The following TNXB variants were observed in gnomAD, a reference collection of about 807,000 sequenced individuals.
TNXB encodes tenascin-X.
A neutral mutation model predicts 340.5 loss-of-function variants in TNXB; 183 were observed. The ratio of observed to expected loss-of-function variants is 0.54; its 90% CI spans 0.48 to 0.61. The LOEUF (loss-of-function observed/expected upper bound fraction) is 0.61, where lower values mean the gene tolerates loss of function less well. Among genes scored for constraint, TNXB ranks in the 20% least tolerant of loss-of-function variants. The probability of loss-of-function intolerance (pLI) is 0.00; values close to 1 mark genes in which losing one functional copy is unlikely to be tolerated. For missense variants in TNXB, 4,613 were observed against 5,446.4 expected (o/e 0.85, Z 4.82); for synonymous variants, 2,121 against 2,314.5 (o/e 0.92, Z 2.40).
intron 11 of TNXB, among the ~76,000 whole-genome samples, chr6:32,076,175 G>A (rs866384463): frequency 1.1e-4 from 16 of 152,262 alleles, no homozygotes; most frequent in Middle Eastern, 3.4e-3. Context: ...CTTTCCATGA[G>A]GGAATGAAAA....
chr6:32,046,149 G>T lies in TNXB; in HGVS notation c.10606+26C>A, dbSNP rs1161786824. 1 of 1,571,036 alleles carries T rather than the reference G, an allele frequency of 6.4e-7. No homozygotes were observed. On this transcript the variant is annotated intron_variant, in intron 31 of 43. Transcript: ENST00000644971. The surrounding 1 kb of genome is among the most constrained non-coding windows in gnomAD (Gnocchi z 6.9). ...CAAGGAAACCCACACAAGCTGGCTTGCTATAGCCAGGCACAGCAGCCTCAC... is the reference window on the plus strand; with the variant it reads ...CAAGGAAACCCACACAAGCTGGCTTTCTATAGCCAGGCACAGCAGCCTCAC...
intron 24 of TNXB, among the ~76,000 whole-genome samples, chr6:32,055,403 T>C (rs891119524): frequency 3.9e-5 from 6 of 152,144 alleles, no homozygotes; most frequent in Non-Finnish European, 5.9e-5. Context: ...ATGAACAAAT[T>C]GGCCCATTGG....
At chr6:32,102,015 C>A (rs1321055174) in intron 1 of TNXB, among the ~76,000 whole-genome samples, 1 of 152,212 alleles carries the variant, frequency 6.6e-6, no homozygotes, top group Non-Finnish European at 1.5e-5. Context: ...TGAGCCACTG[C>A]ACCCAGATCC....
rs752340422 is a variant in TNXB at position 32,069,506 on chromosome 6, A to G, written c.5587+47T>C. 2 of 1,510,988 alleles carry G rather than the reference A, an allele frequency of 1.3e-6. No homozygotes were observed. The highest frequency in any genetic ancestry group is 1.8e-6 in the Non-Finnish European group (2 of 1,128,082). 93.6% of individuals were successfully genotyped at this position (1,510,988 alleles called of 1,614,324 possible). A position where few individuals can be genotyped will look rare whatever the true frequency, so the allele number is the denominator to read the frequency against. ...TCTTATGGCTCAGTCAGACCAGGAGAGCCAGGCGGGAAGGAGGCACAGGTG... is the reference window on the plus strand; with the variant it reads ...TCTTATGGCTCAGTCAGACCAGGAGGGCCAGGCGGGAAGGAGGCACAGGTG... On this transcript the variant is annotated intron_variant, in intron 15 of 43. Transcript: ENST00000644971. This position sits in a 1 kb window ranked among gnomAD's most constrained non-coding sequence, Gnocchi z 6.2.
In TNXB at chr6:32,052,667, C is replaced by T. The variant is rs1777351352; in HGVS notation, c.9115+3G>A. ...CCACCTCGCCTCACTCACACTTACT[C>T]ACCTGTCACACCCACAGCGGACACT... On this transcript the variant is annotated splice_donor_region_variant and intron_variant, in intron 26 of 43. Coordinates refer to ENST00000644971, the MANE Select transcript of TNXB (RefSeq NM_001365276.2). The surrounding 1 kb of genome is among the most constrained non-coding windows in gnomAD (Gnocchi z 4.7). The T allele has an allele frequency of 6.2e-7, 1 of 1,611,950 alleles. No homozygotes were observed. The highest frequency in any genetic ancestry group is 8.5e-7 in the Non-Finnish European group (1 of 1,178,518).
rs9279485 is a variant in TNXB at position 32,080,217 on chromosome 6, GT to G, written c.4043-853del. On this transcript the variant is annotated intron_variant, in intron 10 of 43. Coordinates refer to ENST00000644971, the MANE Select transcript of TNXB (RefSeq NM_001365276.2). This position sits in a 1 kb window ranked among gnomAD's most constrained non-coding sequence, Gnocchi z 4.3. ...GTGGGCTTTTTTTGTTTTTGTTTTT[GT>G]TTTTTTTTTTGAGATGGAGTCTCAC... Among the ~76,000 whole-genome samples, 144,612 of 145,832 alleles carry G rather than the reference GT, an allele frequency of 0.99. 71,712 individuals carry two copies. The highest frequency in any genetic ancestry group is 1 in the African/African-American group (39,426 of 39,574).
In TNXB at chr6:32,098,065, C is replaced by A. The variant is rs1247295789; in HGVS notation, c.134G>T (p.Gly45Val). ...TCCCACTCCAGCCCCCACTGTGTGG[C>A]CCCCTGGCTGGGGAGGGGGCCGGGG... ...PAPRPPPQPGGHTVGAGVGSP... is the reference protein window; with the variant it reads ...PAPRPPPQPGVHTVGAGVGSP... The change falls in exon 2 of 44, where the codon GGC becomes GTC. Residue 45 changes from glycine (G) to valine (V), a missense_variant. This residue lies in a region of TNXB where 4,327 missense variants were observed against 4,859.4 expected (regional missense o/e 0.89). Transcript: ENST00000644971. The A allele has an allele frequency of 4.4e-6, 7 of 1,606,234 alleles. No individual in the cohort carries two copies. The highest frequency in any genetic ancestry group is 4.2e-6 in the Non-Finnish European group (5 of 1,177,476).
chr6:32,081,515 G>A lies in TNXB; in HGVS notation c.3895C>T (p.Gln1299Ter). 1.2e-6 allele frequency: 2 copies of A among 1,607,328 alleles called. No individual in the cohort carries two copies. Among genetic ancestry groups the A allele is most frequent in the Non-Finnish European group, 1.7e-6 (2 of 1,177,020 alleles). The change falls in exon 10 of 44, where the codon CAG becomes TAG. Residue 1299 changes from glutamine to a stop codon, truncating the protein, a stop_gained. Coordinates refer to ENST00000644971, the MANE Select transcript of TNXB (RefSeq NM_001365276.2). LOFTEE classifies it high-confidence loss of function. The surrounding 1 kb of genome is among the most constrained non-coding windows in gnomAD (Gnocchi z 5.1). ...ACAGGCACTGCCTGGGGCTGCCCCT[G>A]TGCATCCTTGTACTGGACCATGAAT... ...DSFMVQYKDA[Q>*]GQPQAVPVAG...
chr6:32,091,450 G>A (rs1247664895), intron 4 of TNXB, among the ~76,000 whole-genome samples: 2 of 149,800 alleles, frequency 1.3e-5, no homozygotes, highest in African/African-American at 4.9e-5. Context: ...AGCTGGCTCT[G>A]CCCCTTGGTA....
chr6:32,048,070 T>C, intron 29 of TNXB, 58 bp from the exon 30 acceptor site: 1 of 1,558,088 alleles, frequency 6.4e-7, no homozygotes, highest in East Asian at 2.3e-5. Context: ...GCCACGGAGC[T>C]TCCTGGGCTG....
chr6:32,049,422 T>G lies in TNXB; in HGVS notation c.9605A>C (p.Asp3202Ala). 6.2e-7 allele frequency: 1 copy of G among 1,612,664 alleles called. No homozygotes were observed. The highest frequency in any genetic ancestry group is 1.1e-5 in the South Asian group (1 of 91,032). Residue 3202 changes from aspartate to alanine, a missense_variant, in exon 28 of 44, where the codon GAC becomes GCC. Around this residue, in one of 7 missense-constraint regions of TNXB, gnomAD observed 4,327 missense variants for 4,859.4 expected, o/e 0.89. Transcript: ENST00000644971. The surrounding 1 kb of genome is among the most constrained non-coding windows in gnomAD (Gnocchi z 4.5). ...RFDSFTVQYK[D>A]RDGQPQVVRV... The stretch of plus-strand genomic sequence containing the variant: ...CACCACCTGGGGCTGCCCGTCCCTG[T>G]CCTTGTACTGCACGGTGAAGGAGTC...
chr6:32,077,952 G>A (rs905955224), intron 11 of TNXB, among the ~76,000 whole-genome samples: 1 of 151,656 alleles, frequency 6.6e-6, no homozygotes, highest in Non-Finnish European at 1.5e-5. Context: ...ACTTGAACCT[G>A]GGAGGCAAAG....
chr6:32,106,445 G>A lies in TNXB; in HGVS notation c.-9+2736C>T, dbSNP rs1038034721. Among the ~76,000 whole-genome samples, 8 of 152,196 alleles carry A rather than the reference G, an allele frequency of 5.3e-5. No homozygotes were observed. In the South Asian group the frequency reaches 8.3e-4, roughly 16 times the overall value. On this transcript the variant is annotated intron_variant, in intron 1 of 43. Coordinates refer to ENST00000644971, the MANE Select transcript of TNXB (RefSeq NM_001365276.2). ...CAGGGTGGGTGTGGAAATGCTGACCGGTGAGGAGTGGGGGATGTGTCACTG... is the reference window on the plus strand; with the variant it reads ...CAGGGTGGGTGTGGAAATGCTGACCAGTGAGGAGTGGGGGATGTGTCACTG...
In TNXB at chr6:32,086,041, C is replaced by A. The variant is rs1779752732; in HGVS notation, c.2857G>T (p.Ala953Ser). ...SGPSTTQGAQ[A>S]PLLQQRPQEL... Reference sequence around the variant, plus strand: ...TGGGGGCGCTGCTGCAGGAGAGGAGCCTGGGCCCCTTGCGTCGTCGAGGGG... The same window carrying A: ...TGGGGGCGCTGCTGCAGGAGAGGAGACTGGGCCCCTTGCGTCGTCGAGGGG... The change falls in exon 7 of 44, where the codon GCT (alanine) becomes TCT (serine). Residue 953 changes from alanine (A) to serine (S), a missense_variant. Ala to Ser is a moderately conservative substitution (Grantham distance 99). Coordinates refer to ENST00000644971, the MANE Select transcript of TNXB (RefSeq NM_001365276.2). The A allele has an allele frequency of 6.2e-7, 1 of 1,603,456 alleles. No homozygotes were observed. The highest frequency in any genetic ancestry group is 8.5e-7 in the Non-Finnish European group (1 of 1,176,704).
Position 32,099,946 on chromosome 6 carries a change from T to TAAA in TNXB, c.-8-1743_-8-1741dup, listed in dbSNP as rs34833929. 1.8e-3 allele frequency among the ~76,000 whole-genome samples: 116 copies of TAAA among 62,790 alleles called. 1 individual carries two copies. Among genetic ancestry groups the TAAA allele is most frequent in the African/African-American group, 3.4e-3 (55 of 15,980 alleles). The allele number at this position is 62,790 out of a possible 152,430, so 41.2% of individuals were successfully genotyped here. ...GCTGGGTCAATCCAACATCCCTAAGTAAAAAAAAAAAAAAAAAAAAAAAAC... is the reference window on the plus strand; with the variant it reads ...GCTGGGTCAATCCAACATCCCTAAGTAAAAAAAAAAAAAAAAAAAAAAAAAAAC... On this transcript the variant is annotated intron_variant, in intron 1 of 43. Coordinates refer to ENST00000644971, the MANE Select transcript of TNXB (RefSeq NM_001365276.2).
At position 32,046,092 on chromosome 6, in the gene TNXB, C is replaced by T. The variant is rs1776848400; in HGVS notation, c.10606+83G>A. ...GCGCCCCACTCCGGCCTGCCCACTCCTGCAGTCATCTTTGTCTTCAGCCCA... is the reference window on the plus strand; with the variant it reads ...GCGCCCCACTCCGGCCTGCCCACTCTTGCAGTCATCTTTGTCTTCAGCCCA... On this transcript the variant is annotated intron_variant, in intron 31 of 43. Coordinates refer to ENST00000644971, the MANE Select transcript of TNXB (RefSeq NM_001365276.2). This position sits in a 1 kb window ranked among gnomAD's most constrained non-coding sequence, Gnocchi z 6.9. The T allele has an allele frequency of 1.3e-6, 2 of 1,523,058 alleles. No individual in the cohort carries two copies. Among genetic ancestry groups the T allele is most frequent in the African/African-American group, 1.4e-5 (1 of 73,202 alleles). The allele number at this position is 1,523,058 out of a possible 1,614,324, so 94.3% of individuals were successfully genotyped here.
Position 32,083,176 on chromosome 6 carries a change from C to A in TNXB, c.3446-850G>T, listed in dbSNP as rs1174413127. 2.0e-5 allele frequency among the ~76,000 whole-genome samples: 3 copies of A among 152,176 alleles called. No individual in the cohort carries two copies. Among genetic ancestry groups the A allele is most frequent in the African/African-American group, 7.2e-5 (3 of 41,446 alleles). On this transcript the variant is annotated intron_variant, in intron 8 of 43. Transcript: ENST00000644971. The surrounding 1 kb of genome is among the most constrained non-coding windows in gnomAD (Gnocchi z 4.6). Reference sequence around the variant, plus strand: ...GGAATCTGACAAGTCCAACCGCACCCTCCTTCCTGGAGTCCAGACAGCACC... The same window carrying A: ...GGAATCTGACAAGTCCAACCGCACCATCCTTCCTGGAGTCCAGACAGCACC...
At chr6:32,057,640 G>A (rs1440221630) in intron 22 of TNXB, among the ~76,000 whole-genome samples, 2 of 152,124 alleles carry the variant, frequency 1.3e-5, no homozygotes, top group East Asian at 1.9e-4. Context: ...GATACTCACC[G>A]TAAAGGACAC....
intron 21 of TNXB, among the ~76,000 whole-genome samples, chr6:32,060,376 G>T (rs1777936477): frequency 6.6e-6 from 1 of 151,712 alleles, no homozygotes; most frequent in South Asian, 2.1e-4. Context: ...CCACAAGAGC[G>T]ATAGAGGAGT....
Sources: allele counts gnomAD v4.1 joint callset (sites outside exome capture counted in the v4.1 genomes callset), GRCh38; gene constraint gnomAD v4.1.1; regional missense constraint gnomAD v4.1.1; non-coding constraint Gnocchi (gnomAD v3.1); transcripts MANE v1.5; gene names NCBI Gene and HGNC (gene_info 2026-07-23, HGNC 2026-07-21).